ZNF705G: variants seen among roughly 807,000 people sequenced by gnomAD.
ZNF705G encodes the protein putative zinc finger protein 705G.
Under a neutral mutation model 19.6 loss-of-function variants are expected in ZNF705G, and 23 were observed. That is an observed-to-expected ratio of 1.17 (90% CI 0.84 to 1.66). The LOEUF (loss-of-function observed/expected upper bound fraction) is 1.66. Among genes scored for constraint, ZNF705G ranks in the 40% most tolerant of loss-of-function variants. ZNF705G has a pLI of 0.00. For missense variants in ZNF705G, 457 were observed against 354.4 expected (o/e 1.29, Z -2.32); for synonymous variants, 146 against 117.7 (o/e 1.24, Z -1.56).
chr8:7,360,597 C>T (rs1231646244), intron 4 of ZNF705G, among the ~76,000 whole-genome samples: 5 of 149,282 alleles, frequency 3.3e-5, no homozygotes, highest in Admixed American at 1.3e-4. Flanking sequence ...TTCCAAGACG[C>T]AATGCATAAT....
At position 7,358,339 on chromosome 8, in the gene ZNF705G, G is replaced by C. The variant is rs558071372; in HGVS notation, c.540C>G (p.Ala180=). The C allele has an allele frequency of 3.3e-4, 533 of 1,607,536 alleles. 19 individuals are homozygous for C. In the South Asian group the frequency reaches 5.3e-3, roughly 16 times the overall value. ...GTCTAAGGTGAAAGCAATTAGTATA[G>C]GCCTTTTCACATAGATTACACTGAT... ...KSYQCNLCEK[A]YTNCFHLRRH... is the part of the protein sequence containing the mutation. Residue 180 remains alanine (A), a synonymous_variant, in exon 7 of 7, where the codon GCC becomes GCG. Coordinates refer to ENST00000400156, the MANE Select transcript of ZNF705G (RefSeq NM_001164457.3).
intron 5 of ZNF705G, 49 bp downstream of exon 5, chr8:7,360,188 C>A (rs1806507558): frequency 6.3e-7 from 1 of 1,575,142 alleles, no homozygotes; most frequent in South Asian, 1.1e-5. Context: ...TGATATTATT[C>A]ATTGACAAAG....
chr8:7,366,640 G>A (rs11986567), intron 2 of ZNF705G, among the ~76,000 whole-genome samples: 2,868 of 149,310 alleles, frequency 0.019, 384 homozygotes, highest in African/African-American at 0.07. Flanking sequence ...CAATATCCAT[G>A]GACAAATTAT....
At chr8:7,385,241 G>C (rs1041828272) in intron 1 of ZNF705G, among the ~76,000 whole-genome samples, 2 of 149,126 alleles carry the variant, frequency 1.3e-5, no homozygotes, top group Admixed American at 1.3e-4. Flanking sequence ...CAAATGTTCC[G>C]CTTCTTAATA....
At chr8:7,379,819 C>G (rs1314365639) in intron 2 of ZNF705G, among the ~76,000 whole-genome samples, 3 of 147,142 alleles carry the variant, frequency 2.0e-5, no homozygotes, top group Non-Finnish European at 2.9e-5. Context: ...GGAGTTGGCA[C>G]TGGATCGTCT....
chr8:7,385,426 C>T (rs1482638682), intron 1 of ZNF705G, 72 bp downstream of exon 1: 1 of 149,102 alleles, frequency 6.7e-6, no homozygotes, highest in Non-Finnish European at 1.5e-5. Flanking sequence ...CCTACACTTA[C>T]ACCCTGAAAG....
In ZNF705G at chr8:7,361,232, T is replaced by C. The variant is rs2128836639; in HGVS notation, c.17A>G (p.Lys6Arg). 1.3e-6 allele frequency: 2 copies of C among 1,592,470 alleles called. No homozygotes were observed. Among genetic ancestry groups the C allele is most frequent in the East Asian group, 4.5e-5 (2 of 44,850 alleles). Residue 6 changes from lysine (K) to arginine (R), a missense_variant, in exon 4 of 7, where the codon AAA (lysine) becomes AGA (arginine). Coordinates refer to ENST00000400156, the MANE Select transcript of ZNF705G (RefSeq NM_001164457.3). ...AATAGCTACATCTTCAAAAGTCAGT[T>C]TCTTCTAAAACATCACAGACATTTT... MHSLK[K>R]LTFEDVAIDF... is the part of the protein sequence containing the mutation.
intron 1 of ZNF705G, among the ~76,000 whole-genome samples, chr8:7,384,467 G>A (rs866740808): frequency 6.9e-6 from 1 of 145,748 alleles, no homozygotes; most frequent in South Asian, 2.1e-4. Context: ...ATGAAAAAAA[G>A]CTCATCATCA....
chr8:7,364,716 G>A (rs58448546), intron 2 of ZNF705G, among the ~76,000 whole-genome samples: 9,601 of 148,632 alleles, frequency 0.065, 971 homozygotes, highest in African/African-American at 0.15. Context: ...ACTTCAACAA[G>A]CACTTTTCAA....
Position 7,361,318 on chromosome 8 carries a change from G to A in ZNF705G, c.13-82C>T, listed in dbSNP as rs551561646. On this transcript the variant is annotated intron_variant, in intron 3 of 6. Transcript: ENST00000400156. ...GAGGAAGGCTGAGATGACATAGCTA[G>A]CAGCTGGGTATGCAGAATACTCAGT... The A allele has an allele frequency of 9.4e-6, 15 of 1,590,262 alleles. No homozygotes were observed. The East Asian group carries it at 1.6e-4, about 17-fold the overall frequency.
At position 7,358,379 on chromosome 8, in the gene ZNF705G, G is replaced by A. The variant is rs142037048; in HGVS notation, c.500C>T (p.Thr167Ile). 1.9e-6 allele frequency: 3 copies of A among 1,607,614 alleles called. No homozygotes were observed. In the East Asian group the frequency reaches 6.7e-5, roughly 36 times the overall value. ...ATTACACTGATATGATTTACCTTTA[G>A]TATGAATTTGTTTATGTGGTTCAGT... ...LSTEPHKQIHTKGKSYQCNLC... is the reference protein window; with the variant it reads ...LSTEPHKQIHIKGKSYQCNLC... Residue 167 changes from threonine (T) to isoleucine (I), a missense_variant, in exon 7 of 7, where the codon ACT (threonine) becomes ATT (isoleucine). By Grantham distance (89) the Thr-to-Ile change is moderately conservative (BLOSUM62 -1). Transcript: ENST00000400156.
At position 7,358,192 on chromosome 8, in the gene ZNF705G, C is replaced by G; in HGVS notation, c.687G>C (p.Lys229Asn). 2 of 1,607,574 alleles carry G rather than the reference C, an allele frequency of 1.2e-6. No homozygotes were observed. Among genetic ancestry groups the G allele is most frequent in the Non-Finnish European group, 1.7e-6 (2 of 1,179,612 alleles). The stretch of plus-strand genomic sequence containing the variant: ...TAAAGACTTTCCCATATTGATGACA[C>G]TTATATGGTCTCTGTCCCGTGTGAG... ...EKTHTGQRPY[K>N]CHQYGKVFIQ... Residue 229 changes from lysine to asparagine, a missense_variant, in exon 7 of 7, where the codon AAG (lysine) becomes AAC (asparagine). Coordinates refer to ENST00000400156, the MANE Select transcript of ZNF705G (RefSeq NM_001164457.3).
intron 2 of ZNF705G, among the ~76,000 whole-genome samples, chr8:7,369,700 T>A (rs1807011438): frequency 6.7e-6 from 1 of 149,710 alleles, no homozygotes; most frequent in African/African-American, 2.6e-5. Context: ...ATGTACACCA[T>A]GGAATACTAC....
chr8:7,360,129 A>T, intron 5 of ZNF705G, 108 bp downstream of exon 5: 2 of 1,304,832 alleles, frequency 1.5e-6, no homozygotes, highest in African/African-American at 1.8e-5. Flanking sequence ...CCTAACCTAC[A>T]TTTTAGAAAT....
At chr8:7,385,338 A>C (rs1386182692) in intron 1 of ZNF705G, among the ~76,000 whole-genome samples, 160 bp downstream of exon 1, 2 of 148,814 alleles carry the variant, frequency 1.3e-5, no homozygotes, top group African/African-American at 5.2e-5. Context: ...TGGTGATAAT[A>C]CTACTGATAA....
Position 7,357,911 on chromosome 8 carries a change from T to C in ZNF705G, c.*65A>G. ...CTGATGCTCTTTAAGATTAGTACATTGTCTGAAGGCTTTCCCACATAAATG... is the reference window on the plus strand; with the variant it reads ...CTGATGCTCTTTAAGATTAGTACATCGTCTGAAGGCTTTCCCACATAAATG... On this transcript the variant is annotated 3_prime_UTR_variant, in exon 7 of 7. Transcript: ENST00000400156. 1.3e-6 allele frequency: 2 copies of C among 1,598,276 alleles called. No individual in the cohort carries two copies. Among genetic ancestry groups the C allele is most frequent in the Non-Finnish European group, 1.7e-6 (2 of 1,176,346 alleles).
chr8:7,356,782 G>A lies in ZNF705G; in HGVS notation c.*1194C>T, dbSNP rs1806289670. 1 of 149,786 alleles carries A rather than the reference G, an allele frequency of 6.7e-6. No individual in the cohort carries two copies. Among genetic ancestry groups the A allele is most frequent in the South Asian group, 2.1e-4 (1 of 4,774 alleles). 9.3% of individuals were successfully genotyped at this position (149,786 alleles called of 1,614,324 possible). The stretch of plus-strand genomic sequence containing the variant: ...GCCGCATAAATGAAACAAGGGCTTT[G>A]CCAACATACTAAGTTTTTTCAACAA... On this transcript the variant is annotated 3_prime_UTR_variant, in exon 7 of 7. Transcript: ENST00000400156.
At chr8:7,367,395 A>T (rs1249840847) in intron 2 of ZNF705G, among the ~76,000 whole-genome samples, 2 of 149,382 alleles carry the variant, frequency 1.3e-5, no homozygotes, top group Non-Finnish European at 2.9e-5. Flanking sequence ...TTAAATGCAG[A>T]CCCCAGGAAG....
intron 2 of ZNF705G, among the ~76,000 whole-genome samples, chr8:7,374,827 T>C (rs561238347): frequency 0.013 from 1,141 of 85,622 alleles, 363 homozygotes; most frequent in African/African-American, 0.062. Context: ...CAAGACAGCC[T>C]ATGTTCATTG....
Sources: gnomAD v4.1 joint callset for allele counts (sites outside exome capture counted in the v4.1 genomes callset) on GRCh38, gnomAD v4.1.1 for gene constraint, MANE v1.5 for transcripts, NCBI Gene and HGNC (gene_info 2026-07-23, HGNC 2026-07-21) for gene names.